ZNF804A: variants seen among roughly 807,000 people sequenced by gnomAD.
ZNF804A encodes the protein zinc finger protein 804A.
A neutral mutation model predicts 16.5 loss-of-function variants in ZNF804A; 2 were observed. That is an observed-to-expected ratio of 0.12 (90% CI 0.05 to 0.38). ZNF804A has a LOEUF of 0.38. ZNF804A is among the 10% of genes least tolerant of loss of function. The probability of loss-of-function intolerance (pLI) is 0.99; values close to 1 mark genes in which losing one functional copy is unlikely to be tolerated. For synonymous variants in ZNF804A, 534 were observed against 489.6 expected (o/e 1.09, Z -1.20); for missense variants, 1,473 against 1,390.7 (o/e 1.06, Z -0.94).
intron 2 of ZNF804A, among the ~76,000 whole-genome samples, chr2:184,878,400 A>G (rs1427196211): frequency 6.6e-6 from 1 of 152,068 alleles, no homozygotes; most frequent in Non-Finnish European, 1.5e-5. Context: ...ACAATGGGCT[A>G]TACTAGCTTC....
At chr2:184,873,146 A>G (rs1279207951) in intron 2 of ZNF804A, among the ~76,000 whole-genome samples, 2 of 152,168 alleles carry the variant, frequency 1.3e-5, no homozygotes, top group Admixed American at 6.5e-5. Flanking sequence ...AACTTTATAT[A>G]TTTTAGGAAC....
At chr2:184,691,976 C>T (rs1247436968) in intron 1 of ZNF804A, among the ~76,000 whole-genome samples, 1 of 151,966 alleles carries the variant, frequency 6.6e-6, no homozygotes, top group Admixed American at 6.6e-5. Context: ...GTGAAAGTTT[C>T]TAAAGGTCTG....
At chr2:184,875,318 T>A (rs552685539) in intron 2 of ZNF804A, among the ~76,000 whole-genome samples, 34 of 152,318 alleles carry the variant, frequency 2.2e-4, no homozygotes, top group Non-Finnish European at 4.0e-4. Flanking sequence ...GGGCTGATCC[T>A]TTATGAATGG....
chr2:184,608,320 T>A (rs1271196603), intron 1 of ZNF804A, among the ~76,000 whole-genome samples: 2 of 152,164 alleles, frequency 1.3e-5, no homozygotes, highest in African/African-American at 4.8e-5. Context: ...TTCTGGATAG[T>A]TTACTAAAAC....
chr2:184,799,702 A>AT (rs764064977), intron 1 of ZNF804A, among the ~76,000 whole-genome samples: 3 of 151,264 alleles, frequency 2.0e-5, no homozygotes, highest in Non-Finnish European at 2.9e-5. Flanking sequence ...ATTTTTATTT[A>AT]TTTTTTTCTT....
In ZNF804A at chr2:184,672,749, TTTC is replaced by T. The variant is rs1210293424; in HGVS notation, c.111+73682_111+73684del. ...CAGATAACTATTTCTTTTTTTTTCT[TTTC>T]TTTTTCTTTTTCTTTCGTTCGTTTT... On this transcript the variant is annotated intron_variant, in intron 1 of 3. Coordinates refer to ENST00000302277, the MANE Select transcript of ZNF804A (RefSeq NM_194250.2). Among the ~76,000 whole-genome samples, 14 of 123,522 alleles carry T rather than the reference TTTC, an allele frequency of 1.1e-4. No individual in the cohort carries two copies. In the Admixed American group the frequency reaches 1.4e-3, roughly 12 times the overall value. The allele number at this position is 123,522 out of a possible 152,430, so 81.0% of individuals were successfully genotyped here. A position where few individuals can be genotyped will look rare whatever the true frequency, so the allele number is the denominator to read the frequency against.
rs143930583 is a variant in ZNF804A, at chr2:184,684,594, A to C, written c.111+85524A>C. On this transcript the variant is annotated intron_variant, in intron 1 of 3. Transcript: ENST00000302277. Reference sequence around the variant, plus strand: ...TATTAAATGTAAACTTATATTTTACATACTGGGGGGTACATGTGCAGGTTT... The same window carrying C: ...TATTAAATGTAAACTTATATTTTACCTACTGGGGGGTACATGTGCAGGTTT... 6.3e-3 allele frequency among the ~76,000 whole-genome samples: 963 copies of C among 152,210 alleles called. 14 individuals are homozygous for C. Among genetic ancestry groups the C allele is most frequent in the African/African-American group, 0.022 (902 of 41,510 alleles).
intron 2 of ZNF804A, among the ~76,000 whole-genome samples, chr2:184,873,691 T>C (rs1032430179): frequency 6.6e-6 from 1 of 152,020 alleles, no homozygotes; most frequent in African/African-American, 2.4e-5. Flanking sequence ...AAAATAGAAA[T>C]GGCCCAGTAG....
At chr2:184,892,430 A>G (rs1253389608) in intron 2 of ZNF804A, among the ~76,000 whole-genome samples, 1 of 151,560 alleles carries the variant, frequency 6.6e-6, no homozygotes, top group African/African-American at 2.4e-5. Flanking sequence ...AGAAGAGGAA[A>G]GATACCATTA....
chr2:184,859,555 A>T (rs1695759303), intron 1 of ZNF804A, among the ~76,000 whole-genome samples: 1 of 152,098 alleles, frequency 6.6e-6, no homozygotes, highest in African/African-American at 2.4e-5. Flanking sequence ...GAGCTTCCTT[A>T]AAACAATTAT....
chr2:184,922,756 G>C (rs56321552), intron 2 of ZNF804A, among the ~76,000 whole-genome samples: 4,278 of 152,086 alleles, frequency 0.028, 79 homozygotes, highest in Non-Finnish European at 0.044. Flanking sequence ...AAAAATAGGA[G>C]TCTAATTTCT....
In ZNF804A at chr2:184,938,944, C is replaced by T; in HGVS notation, c.3548C>T (p.Ala1183Val). Residue 1183 changes from alanine (A) to valine (V), a missense_variant, in exon 4 of 4, where the codon GCT (alanine) becomes GTT (valine). Coordinates refer to ENST00000302277, the MANE Select transcript of ZNF804A (RefSeq NM_194250.2). The part of the protein sequence containing the change: ...PASVLHPSHL[A>V]FPSLPHALFP... ...TCCGTTCTTCATCCTAGCCATCTGG[C>T]TTTCCCATCTTTACCCCATGCACTC... The T allele has an allele frequency of 6.2e-7, 1 of 1,613,982 alleles. No homozygotes were observed. The highest frequency in any genetic ancestry group is 8.5e-7 in the Non-Finnish European group (1 of 1,179,956).
intron 2 of ZNF804A, among the ~76,000 whole-genome samples, chr2:184,890,173 G>A (rs1230299552): frequency 3.3e-5 from 5 of 149,578 alleles, no homozygotes; most frequent in African/African-American, 7.7e-5. Context: ...CTCCACACAA[G>A]GTTAAAAAAA....
intron 1 of ZNF804A, among the ~76,000 whole-genome samples, chr2:184,791,014 T>C (rs1694531547): frequency 6.6e-6 from 1 of 152,230 alleles, no homozygotes; most frequent in South Asian, 2.1e-4. Flanking sequence ...TTTTGTTTTC[T>C]ATTTGCATGA....
chr2:184,783,111 TA>T (rs1053149025), intron 1 of ZNF804A, among the ~76,000 whole-genome samples: 8 of 139,606 alleles, frequency 5.7e-5, no homozygotes, highest in East Asian at 4.4e-4. Context: ...ATTTTTCAAT[TA>T]AAAAAAGAAT....
At chr2:184,932,009 A>G (rs1203441592) in intron 2 of ZNF804A, among the ~76,000 whole-genome samples, 1 of 152,214 alleles carries the variant, frequency 6.6e-6, no homozygotes, top group East Asian at 1.9e-4. Context: ...GTAACAGAGT[A>G]ACATTTATTC....
intron 1 of ZNF804A, among the ~76,000 whole-genome samples, chr2:184,799,177 G>A (rs1694684136): frequency 6.6e-6 from 1 of 152,040 alleles, no homozygotes. Context: ...GGAGATTGCT[G>A]GTTTGTTCTT....
At chr2:184,630,345 G>A (rs1190423277) in intron 1 of ZNF804A, among the ~76,000 whole-genome samples, 2 of 152,156 alleles carry the variant, frequency 1.3e-5, no homozygotes, top group Non-Finnish European at 2.9e-5. Context: ...TCATAGCCAG[G>A]ATGTCTCCTG....
At chr2:184,749,904 T>C (rs1489530222) in intron 1 of ZNF804A, among the ~76,000 whole-genome samples, 1 of 151,290 alleles carries the variant, frequency 6.6e-6, no homozygotes, top group Non-Finnish European at 1.5e-5. Context: ...AGATTTAAGA[T>C]CCTGCAAAAG....
Sources: allele counts gnomAD v4.1 joint callset (sites outside exome capture counted in the v4.1 genomes callset), GRCh38; gene constraint gnomAD v4.1.1; transcripts MANE v1.5; gene names NCBI Gene and HGNC (gene_info 2026-07-23, HGNC 2026-07-21).